ANK1: variants seen among roughly 807,000 people sequenced by gnomAD.
ANK1 encodes ankyrin-1.
A neutral mutation model predicts 210.4 loss-of-function variants in ANK1; 51 were observed. That is an observed-to-expected ratio of 0.24 (90% CI 0.19 to 0.31). The LOEUF (loss-of-function observed/expected upper bound fraction) is 0.31, where lower values mean the gene tolerates loss of function less well. Ranked by LOEUF, ANK1 falls within the 10% of genes least tolerant of loss-of-function variation. ANK1 has a pLI of 1.00. For missense variants in ANK1, 2,051 were observed against 2,504.4 expected, an observed-to-expected ratio of 0.82 and a Z score of 3.86; for synonymous variants, 967 against 1,025.9, an observed-to-expected ratio of 0.94 and a Z score of 1.10.
chr8:41,714,746 A>G (rs1272521352), intron 15 of ANK1, among the ~76,000 whole-genome samples: 1 of 152,130 alleles, frequency 6.6e-6, no homozygotes, highest in East Asian at 1.9e-4. Flanking sequence ...TTGTAGTCCC[A>G]GCTACTCAGG....
intron 37 of ANK1, among the ~76,000 whole-genome samples, chr8:41,673,819 G>C (rs1228516393): frequency 6.6e-6 from 1 of 152,186 alleles, no homozygotes; most frequent in Non-Finnish European, 1.5e-5. Flanking sequence ...GAAGAGACTA[G>C]AAGACAAGAT....
Position 41,704,628 on chromosome 8 carries a change from C to T in ANK1, c.2098-156G>A, listed in dbSNP as rs576034422. ...ATGGCTGCTGCTGGGCAGAGACCAC[C>T]AGGCTGAGATGCTTGTGGGAGACCC... On this transcript the variant is annotated intron_variant, in intron 18 of 42. Coordinates refer to ENST00000289734, the MANE Select transcript of ANK1 (RefSeq NM_000037.4). The surrounding 1 kb of genome is among the most constrained non-coding windows in gnomAD (Gnocchi z 4.1). Among the ~76,000 whole-genome samples, 2 of 152,276 alleles carry T rather than the reference C, an allele frequency of 1.3e-5. No individual in the cohort carries two copies. Among genetic ancestry groups the T allele is most frequent in the Non-Finnish European group, 2.9e-5 (2 of 68,018 alleles).
intron 33 of ANK1, among the ~76,000 whole-genome samples, 197 bp from the exon 34 acceptor site, chr8:41,688,786 A>G (rs1818410552): frequency 6.6e-6 from 1 of 152,198 alleles, no homozygotes; most frequent in African/African-American, 2.4e-5. Flanking sequence ...AGAAGCGCAC[A>G]TGCGTTATTA....
intron 1 of ANK1, chr8:41,828,361 C>G (rs1310631476): frequency 6.5e-6 from 1 of 154,890 alleles, no homozygotes; most frequent in African/African-American, 2.4e-5. Context: ...AGCTTAGGCC[C>G]GACACTCCAT....
chr8:41,703,618 G>A (rs1375968676), intron 20 of ANK1, among the ~76,000 whole-genome samples: 1 of 149,838 alleles, frequency 6.7e-6, no homozygotes, highest in African/African-American at 2.5e-5. Context: ...CAATTAGCTG[G>A]GACTACAGCT....
chr8:41,772,977 A>AAT (rs1221000813), intron 1 of ANK1, among the ~76,000 whole-genome samples: 3 of 152,140 alleles, frequency 2.0e-5, no homozygotes, highest in Admixed American at 1.3e-4. Flanking sequence ...CTGTTGGGGA[A>AAT]ATGTTATTAA....
At chr8:41,802,519 T>C (rs1216153986), upstream of ANK1, among the ~76,000 whole-genome samples, 2 of 152,240 alleles carry the variant, frequency 1.3e-5, no homozygotes, top group African/African-American at 4.8e-5. Context: ...CCTATAAGTC[T>C]ATCTCAGTAC....
At chr8:41,788,510 A>G (rs1409257997) in intron 1 of ANK1, among the ~76,000 whole-genome samples, 2 of 152,226 alleles carry the variant, frequency 1.3e-5, no homozygotes, top group African/African-American at 2.4e-5. Flanking sequence ...AATATCCCCA[A>G]TAAACAACTT....
At chr8:41,815,134 T>C (rs1803114870) in intron 1 of ANK1, among the ~76,000 whole-genome samples, 1 of 152,078 alleles carries the variant, frequency 6.6e-6, no homozygotes. Flanking sequence ...TGACATGAGA[T>C]CTTAAAGGCA....
intron 20 of ANK1, among the ~76,000 whole-genome samples, chr8:41,703,383 CAT>C (rs143272729): frequency 0.052 from 4,806 of 93,186 alleles, 185 homozygotes; most frequent in African/African-American, 0.13. Flanking sequence ...TGTGTGTGTG[CAT>C]ATATATATAT....
At chr8:41,850,873 C>G (rs1367379736) in intron 1 of ANK1, among the ~76,000 whole-genome samples, 1 of 152,264 alleles carries the variant, frequency 6.6e-6, no homozygotes, top group African/African-American at 2.4e-5. Context: ...GAGCCAGGAG[C>G]GAAGCCCAGG....
intron 1 of ANK1, among the ~76,000 whole-genome samples, chr8:41,767,191 G>GCGCACC (rs1313800578): frequency 2.0e-5 from 3 of 151,938 alleles, no homozygotes; most frequent in Middle Eastern, 3.2e-3. Context: ...GCCCCAGCGC[G>GCGCACC]CGCACCCGCA....
At chr8:41,671,031 G>T (rs905447735) in intron 38 of ANK1, among the ~76,000 whole-genome samples, 16 of 152,198 alleles carry the variant, frequency 1.1e-4, no homozygotes, top group African/African-American at 3.1e-4. Context: ...TCAGCGGAGG[G>T]GCATGGTGTA....
intron 2 of ANK1, among the ~76,000 whole-genome samples, chr8:41,753,949 C>T (rs886797637): frequency 1.3e-5 from 2 of 152,334 alleles, no homozygotes. Context: ...ACCTTATTTG[C>T]CTCTGCTCCT....
At chr8:41,685,335 T>C (rs771783975) in intron 36 of ANK1, among the ~76,000 whole-genome samples, 7 of 152,248 alleles carry the variant, frequency 4.6e-5, no homozygotes, top group Non-Finnish European at 1.0e-4. Context: ...ATTCTGTCCT[T>C]TTGAAATTCT....
intron 1 of ANK1, among the ~76,000 whole-genome samples, chr8:41,877,725 C>T (rs778279338): frequency 4.6e-5 from 7 of 152,118 alleles, no homozygotes; most frequent in African/African-American, 1.4e-4. Flanking sequence ...CAGGCGGGGG[C>T]GAAGTGGTCG....
intron 1 of ANK1, among the ~76,000 whole-genome samples, chr8:41,785,584 T>C (rs766709449): frequency 5.3e-5 from 8 of 152,082 alleles, no homozygotes; most frequent in Non-Finnish European, 1.2e-4. Flanking sequence ...GCCTGCATGG[T>C]TCTTAGATGA....
intron 1 of ANK1, among the ~76,000 whole-genome samples, chr8:41,886,290 G>A (rs1818428204): frequency 6.6e-6 from 1 of 152,166 alleles, no homozygotes; most frequent in Non-Finnish European, 1.5e-5. Context: ...TATATGCCAG[G>A]TACTTTCCAT....
chr8:41,660,487 G>A (rs367815925), intron 42 of ANK1: 93 of 456,598 alleles, frequency 2.0e-4, no homozygotes, highest in African/African-American at 1.4e-3. Flanking sequence ...GAAGGGCCTC[G>A]GGGCAGCTCA....
Sources: gnomAD v4.1 joint callset for allele counts (sites outside exome capture counted in the v4.1 genomes callset) on GRCh38, gnomAD v4.1.1 for gene constraint, Gnocchi (gnomAD v3.1) non-coding constraint, MANE v1.5 for transcripts, NCBI Gene and HGNC (gene_info 2026-07-23, HGNC 2026-07-21) for gene names.